The following RABGAP1L variants were observed in gnomAD, a reference collection of about 807,000 sequenced individuals.
The protein encoded by RABGAP1L is RAB GTPase activating protein 1 like, also known as rab GTPase-activating protein 1-like.
In RABGAP1L, 63 loss-of-function variants were observed where a neutral mutation model predicts 137.7. The ratio of observed to expected loss-of-function variants is 0.46; its 90% CI spans 0.37 to 0.56. The LOEUF (loss-of-function observed/expected upper bound fraction) is 0.56. RABGAP1L is among the 20% of genes least tolerant of loss of function. RABGAP1L has a pLI of 0.00. For missense variants in RABGAP1L, 1,095 were observed against 1,244.0 expected (o/e 0.88, Z 1.80); for synonymous variants, 431 against 433.7 (o/e 0.99, Z 0.08).
chr1:174,612,523 T>A (rs1329707453), intron 13 of RABGAP1L, among the ~76,000 whole-genome samples: 1 of 152,198 alleles, frequency 6.6e-6, no homozygotes, highest in Non-Finnish European at 1.5e-5. Flanking sequence ...TTCTCTTTTT[T>A]GGTTGTGTCT....
rs186060878 is a variant in RABGAP1L, at chr1:174,494,813, G to A, written c.1710+100668G>A. Among the ~76,000 whole-genome samples, 92 of 152,218 alleles carry A rather than the reference G, an allele frequency of 6.0e-4. 1 individual carries two copies. Among genetic ancestry groups the A allele is most frequent in the Middle Eastern group, 3.4e-3 (1 of 294 alleles). On this transcript the variant is annotated intron_variant, in intron 13 of 25. Transcript: ENST00000681986. ...GAAGTACCTGGTGCAGGGAATACTA[G>A]TACCCATTCTTTCATAGCCAGGAAA...
chr1:174,176,135 G>T (rs780413720), intron 1 of RABGAP1L, among the ~76,000 whole-genome samples: 2 of 152,046 alleles, frequency 1.3e-5, no homozygotes, highest in Non-Finnish European at 2.9e-5. Context: ...TGTAAAGGGA[G>T]GAGTATTTTA....
intron 13 of RABGAP1L, among the ~76,000 whole-genome samples, chr1:174,632,668 C>T (rs965018609): frequency 4.0e-5 from 6 of 149,998 alleles, no homozygotes; most frequent in African/African-American, 1.5e-4. Context: ...GATACCCTTT[C>T]TTCCAGTTGA....
At position 174,865,209 on chromosome 1, in the gene RABGAP1L, G is replaced by A. The variant is rs528696790; in HGVS notation, c.2340+53249G>A. Among the ~76,000 whole-genome samples the A allele has an allele frequency of 1.4e-4, 21 of 152,316 alleles. 1 individual carries two copies. The South Asian group carries it at 4.3e-3, about 32-fold the overall frequency. On this transcript the variant is annotated intron_variant, in intron 19 of 25. Transcript: ENST00000681986. ...AAAGAACACATAGTTGGGCATGATG[G>A]CACATGCCTGTAATCCCAGCTACTT...
intron 11 of RABGAP1L, among the ~76,000 whole-genome samples, chr1:174,361,959 A>G (rs1029238204): frequency 1.3e-5 from 2 of 152,046 alleles, no homozygotes; most frequent in African/African-American, 2.4e-5. Context: ...GATAGACCCT[A>G]GTGTGTATTG....
At chr1:174,489,540 A>T (rs1259819779) in intron 13 of RABGAP1L, among the ~76,000 whole-genome samples, 1 of 151,546 alleles carries the variant, frequency 6.6e-6, no homozygotes, top group African/African-American at 2.4e-5. Flanking sequence ...CAGGTGCTGG[A>T]GAGGATGTGG....
intron 8 of RABGAP1L, among the ~76,000 whole-genome samples, chr1:174,274,564 CATAACTT>C (rs1674810355): frequency 6.6e-6 from 1 of 151,394 alleles, no homozygotes; most frequent in Non-Finnish European, 1.5e-5. Flanking sequence ...CTTAATGACA[CATAACTT>C]AGAACATAAC....
At chr1:174,676,026 C>T (rs1677596630) in intron 14 of RABGAP1L, among the ~76,000 whole-genome samples, 1 of 151,908 alleles carries the variant, frequency 6.6e-6, no homozygotes, top group South Asian at 2.1e-4. Context: ...GAAGCAGGTA[C>T]TTACACAAAT....
At chr1:174,584,582 A>G (rs1411035696) in intron 13 of RABGAP1L, among the ~76,000 whole-genome samples, 1 of 152,210 alleles carries the variant, frequency 6.6e-6, no homozygotes. Flanking sequence ...TTTAAAAATT[A>G]GCTAGGTGAC....
intron 13 of RABGAP1L, among the ~76,000 whole-genome samples, chr1:174,597,564 T>G (rs1670057160): frequency 6.6e-6 from 1 of 152,124 alleles, no homozygotes; most frequent in Non-Finnish European, 1.5e-5. Context: ...TAATTTTTTT[T>G]TAATCTCTGA....
At chr1:174,680,821 G>A (rs1298844067) in intron 14 of RABGAP1L, among the ~76,000 whole-genome samples, 1 of 152,082 alleles carries the variant, frequency 6.6e-6, no homozygotes. Flanking sequence ...TTCAGCCTGG[G>A]AGGCAGAGGC....
intron 13 of RABGAP1L, among the ~76,000 whole-genome samples, chr1:174,636,541 AAAG>A (rs1377114226): frequency 1.3e-5 from 2 of 152,040 alleles, no homozygotes; most frequent in Non-Finnish European, 2.9e-5. Flanking sequence ...AAAAAAAAAA[AAAG>A]AGATCATCTT....
chr1:174,719,260 G>A (rs332783), intron 17 of RABGAP1L, among the ~76,000 whole-genome samples: 76,282 of 151,940 alleles, frequency 0.5, 21,795 homozygotes, highest in African/African-American at 0.8. Flanking sequence ...CACTTTAAAA[G>A]ATATCTTTAA....
chr1:174,989,132 A>G (rs1393458601), intron 25 of RABGAP1L, among the ~76,000 whole-genome samples: 1 of 152,160 alleles, frequency 6.6e-6, no homozygotes, highest in Non-Finnish European at 1.5e-5. Flanking sequence ...TTTCTCACAG[A>G]ATGTGGTCAC....
intron 11 of RABGAP1L, among the ~76,000 whole-genome samples, chr1:174,336,889 G>A (rs1681525882): frequency 6.9e-6 from 1 of 143,902 alleles, no homozygotes; most frequent in South Asian, 2.3e-4. Context: ...GTGTGTGAGA[G>A]AGAGAGAGAA....
At chr1:174,602,136 T>C (rs1036903985) in intron 13 of RABGAP1L, among the ~76,000 whole-genome samples, 1 of 152,194 alleles carries the variant, frequency 6.6e-6, no homozygotes, top group Non-Finnish European at 1.5e-5. Context: ...GGGTATCTTT[T>C]CGTCAACGCC....
chr1:174,513,787 T>C (rs1267059886), intron 13 of RABGAP1L, among the ~76,000 whole-genome samples: 1 of 124,802 alleles, frequency 8.0e-6, no homozygotes, highest in Non-Finnish European at 1.6e-5. Flanking sequence ...TTTCTCTTAA[T>C]GTTATAGTAA....
intron 13 of RABGAP1L, among the ~76,000 whole-genome samples, chr1:174,450,262 C>CT (rs1050643912): frequency 1.2e-4 from 18 of 151,956 alleles, no homozygotes; most frequent in African/African-American, 4.1e-4. Flanking sequence ...AAACATGAAT[C>CT]TTTTTTGTGT....
chr1:174,756,753 A>G (rs1684798143), intron 18 of RABGAP1L: 1 of 395,184 alleles, frequency 2.5e-6, no homozygotes. Flanking sequence ...TGAGTAGGAC[A>G]ATAGCAGTCT....
Sources: allele counts gnomAD v4.1 joint callset (sites outside exome capture counted in the v4.1 genomes callset), GRCh38; gene constraint gnomAD v4.1.1; transcripts MANE v1.5; gene names NCBI Gene and HGNC (gene_info 2026-07-23, HGNC 2026-07-21).